FOXP1: variants seen among roughly 807,000 people sequenced by gnomAD.
FOXP1 encodes forkhead box P1, also known as forkhead box protein P1.
A neutral mutation model predicts 98.2 loss-of-function variants in FOXP1; 15 were observed. That is an observed-to-expected ratio of 0.15 (90% CI 0.10 to 0.24). The LOEUF (loss-of-function observed/expected upper bound fraction) is 0.24. Among genes scored for constraint, FOXP1 ranks in the 10% least tolerant of loss-of-function variants. The pLI, the probability that FOXP1 is intolerant of heterozygous loss-of-function variation, is 1.00. For synonymous variants in FOXP1, 371 were observed against 314.5 expected, an observed-to-expected ratio of 1.18 and a Z score of -1.90; for missense variants, 633 against 848.5, an observed-to-expected ratio of 0.75 and a Z score of 3.15.
In FOXP1 at chr3:71,308,257, G is replaced by A. The variant is rs72628630; in HGVS notation, c.-72-8377C>T. 2.7e-3 allele frequency among the ~76,000 whole-genome samples: 415 copies of A among 152,166 alleles called. 9 individuals carry two copies. The East Asian group carries it at 0.073, about 27-fold the overall frequency. On this transcript the variant is annotated intron_variant, in intron 4 of 20. Coordinates refer to ENST00000649528, the MANE Select transcript of FOXP1 (RefSeq NM_001349338.3). ...TTCATTGTTCAAGCCAATTATCAGT[G>A]GAAAATAATAACAACAGATGGATTC... is the stretch of plus-strand genomic sequence containing the variant.
intron 5 of FOXP1, among the ~76,000 whole-genome samples, chr3:71,201,444 G>A (rs559595523): frequency 2.0e-5 from 3 of 152,214 alleles, no homozygotes; most frequent in African/African-American, 2.4e-5. Context: ...TCAGGAGTTC[G>A]AGACCAGCCT....
At chr3:71,268,090 C>CCTTTTTTTTTTTTTTTTTTTTTT (rs1553808991) in intron 5 of FOXP1, among the ~76,000 whole-genome samples, 1 of 100,382 alleles carries the variant, frequency 1.0e-5, no homozygotes, top group Non-Finnish European at 2.0e-5. Context: ...CTTTTCTTTT[C>CCTTTTTTTTTTTTTTTTTTTTTT]TTTTTTTTTT....
At chr3:71,411,276 G>GGT (rs2082708360) in intron 3 of FOXP1, among the ~76,000 whole-genome samples, 2 of 112,764 alleles carry the variant, frequency 1.8e-5, no homozygotes, top group South Asian at 3.3e-4. Context: ...AGGCTGAATG[G>GGT]GCGTGTGTGT....
intron 4 of FOXP1, among the ~76,000 whole-genome samples, chr3:71,324,293 G>A (rs1393184307): frequency 1.3e-5 from 2 of 152,110 alleles, no homozygotes; most frequent in African/African-American, 4.8e-5. Flanking sequence ...TATAAATCAT[G>A]CTGCTATAAA....
intron 3 of FOXP1, among the ~76,000 whole-genome samples, chr3:71,379,437 G>C (rs1050325202): frequency 1.3e-5 from 2 of 152,090 alleles, no homozygotes; most frequent in African/African-American, 2.4e-5. Context: ...TTTTAACAAA[G>C]CGAGAACCTC....
At chr3:71,553,295 T>C (rs915224934) in intron 2 of FOXP1, among the ~76,000 whole-genome samples, 1 of 152,182 alleles carries the variant, frequency 6.6e-6, no homozygotes, top group Non-Finnish European at 1.5e-5. Flanking sequence ...ATGAAATTCA[T>C]CAAATAAATA....
intron 20 of FOXP1, among the ~76,000 whole-genome samples, chr3:70,961,338 C>T (rs1192367150): frequency 3.3e-5 from 5 of 152,080 alleles, no homozygotes; most frequent in Admixed American, 3.3e-4. Context: ...TCAAGTAATT[C>T]TTCTGGCTCA....
chr3:71,033,414 C>A (rs1028817330), intron 11 of FOXP1, among the ~76,000 whole-genome samples: 1 of 152,122 alleles, frequency 6.6e-6, no homozygotes, highest in Non-Finnish European at 1.5e-5. Context: ...ATGAACATCA[C>A]TCTCCAGACC....
chr3:71,207,496 T>A (rs2064134845), intron 5 of FOXP1, among the ~76,000 whole-genome samples: 1 of 152,166 alleles, frequency 6.6e-6, no homozygotes, highest in South Asian at 2.1e-4. Context: ...TTATTTAATT[T>A]TATCCTTCAA....
At chr3:71,332,882 G>C (rs1477738112) in intron 4 of FOXP1, 2 of 152,276 alleles carry the variant, frequency 1.3e-5, no homozygotes, top group Non-Finnish European at 2.9e-5. Context: ...TGCAGCAACG[G>C]AAAGAACTGA....
intron 12 of FOXP1, among the ~76,000 whole-genome samples, chr3:71,004,578 C>CA (rs1223013280): frequency 2.0e-5 from 3 of 152,046 alleles, no homozygotes; most frequent in Non-Finnish European, 2.9e-5. Context: ...AGGTGAAATG[C>CA]AAAAATTACA....
chr3:71,237,347 C>T (rs1452973303), intron 5 of FOXP1, among the ~76,000 whole-genome samples: 1 of 143,414 alleles, frequency 7.0e-6, no homozygotes, highest in Non-Finnish European at 1.5e-5. Context: ...AGTTAACCTT[C>T]TTTCTTCTTT....
chr3:71,440,913 C>T (rs1384249762), intron 3 of FOXP1, among the ~76,000 whole-genome samples: 1 of 151,996 alleles, frequency 6.6e-6, no homozygotes, highest in Admixed American at 6.6e-5. Flanking sequence ...AATTGGAAAA[C>T]TAAACAAGCA....
At chr3:71,424,234 C>T (rs2083903456) in intron 3 of FOXP1, among the ~76,000 whole-genome samples, 1 of 152,196 alleles carries the variant, frequency 6.6e-6, no homozygotes, top group African/African-American at 2.4e-5. Context: ...GGCGACCAGG[C>T]AAACAGAGGC....
chr3:71,543,890 T>C (rs2045102848), intron 2 of FOXP1, among the ~76,000 whole-genome samples: 2 of 152,228 alleles, frequency 1.3e-5, no homozygotes, highest in African/African-American at 2.4e-5. Flanking sequence ...GTAAAACCCA[T>C]GTGTTTGAAG....
intron 5 of FOXP1, among the ~76,000 whole-genome samples, chr3:71,209,355 G>T (rs2064287507): frequency 6.6e-6 from 1 of 152,104 alleles, no homozygotes; most frequent in African/African-American, 2.4e-5. Flanking sequence ...GTCAAACACA[G>T]ATTCGAATCT....
At chr3:71,420,088 C>A (rs976675677) in intron 3 of FOXP1, among the ~76,000 whole-genome samples, 2 of 152,080 alleles carry the variant, frequency 1.3e-5, no homozygotes, top group East Asian at 1.9e-4. Flanking sequence ...GGAGCCACTG[C>A]GCCCGACCAG....
intron 11 of FOXP1, among the ~76,000 whole-genome samples, chr3:71,018,431 CTCT>C (rs1480667135): frequency 1.3e-5 from 2 of 152,154 alleles, no homozygotes; most frequent in Non-Finnish European, 2.9e-5. Context: ...AAATTACATG[CTCT>C]TGTTTTCACA....
intron 5 of FOXP1, among the ~76,000 whole-genome samples, chr3:71,265,758 A>G (rs551169508): frequency 1.3e-5 from 2 of 152,332 alleles, no homozygotes; most frequent in East Asian, 3.9e-4. Flanking sequence ...GACCGACTCC[A>G]AAAGAACTGA....
Sources: gnomAD v4.1 joint callset for allele counts (sites outside exome capture counted in the v4.1 genomes callset) on GRCh38, gnomAD v4.1.1 for gene constraint, MANE v1.5 for transcripts, NCBI Gene and HGNC (gene_info 2026-07-23, HGNC 2026-07-21) for gene names.